The following ZNF469 variants were observed in gnomAD, a reference collection of about 807,000 sequenced individuals.
ZNF469 encodes zinc finger protein 469.
ZNF469 carries 1 observed loss-of-function variant against 1.0 expected under a neutral mutation model. The observed-to-expected ratio is 1.00, with a 90% CI of 0.35 to 4.73. The LOEUF is 4.73. Among genes scored for constraint, ZNF469 ranks in the 30% most tolerant of loss-of-function variants. ZNF469 has a pLI of 0.16. For synonymous variants in ZNF469, 2,703 were observed against 2,363.4 expected (o/e 1.14, Z -4.17); for missense variants, 6,100 against 5,356.3 (o/e 1.14, Z -4.33).
chr16:88,272,473 G>C, the ZNF469 span, among the ~76,000 whole-genome samples: 2 of 133,678 alleles, frequency 1.5e-5, no homozygotes, highest in Admixed American at 1.5e-4. Context: ...TGAACAGGGG[G>C]GTGTATGGAT....
chr16:88,321,353 G>A, the ZNF469 span, among the ~76,000 whole-genome samples: 1 of 152,278 alleles, frequency 6.6e-6, no homozygotes, highest in African/African-American at 2.4e-5. Flanking sequence ...TGCCTGATTG[G>A]ATGCAGTCTT....
chr16:88,179,522 C>G, the ZNF469 span, among the ~76,000 whole-genome samples: 2 of 152,178 alleles, frequency 1.3e-5, no homozygotes, highest in African/African-American at 4.8e-5. Flanking sequence ...TTAGAAGTTG[C>G]CCGGCCCCAG....
At chr16:88,214,716 A>G in the ZNF469 span, among the ~76,000 whole-genome samples, 8 of 151,910 alleles carry the variant, frequency 5.3e-5, no homozygotes, top group African/African-American at 1.7e-4. Context: ...ATGCATTCTC[A>G]TTGTTCACCT....
chr16:88,179,144 C>G, the ZNF469 span, among the ~76,000 whole-genome samples: 89,473 of 151,998 alleles, frequency 0.59, 27,725 homozygotes, highest in Non-Finnish European at 0.71. Context: ...GTAAGCATTG[C>G]CTGGTGCTGT....
chr16:88,101,070 G>T, the ZNF469 span: 1 of 205,292 alleles, frequency 4.9e-6, no homozygotes, highest in Non-Finnish European at 1.0e-5. Context: ...TCGCTCCAGG[G>T]TAAGTGCAGT....
the ZNF469 span, among the ~76,000 whole-genome samples, chr16:88,253,313 G>A: frequency 3.7e-4 from 57 of 152,256 alleles, no homozygotes; most frequent in African/African-American, 1.2e-3. Flanking sequence ...ACTCCCTGAC[G>A]ATCAGTGAGG....
chr16:88,381,196 GCATTCACAGACA>G (rs1318872353), upstream of ZNF469, among the ~76,000 whole-genome samples: 45 of 64,906 alleles, frequency 6.9e-4, no homozygotes, highest in African/African-American at 4.8e-3. Flanking sequence ...TCACACACAT[GCATTCACAGACA>G]CACACACAGA....
the ZNF469 span, among the ~76,000 whole-genome samples, chr16:88,133,450 C>T: frequency 1.3e-5 from 2 of 152,230 alleles, no homozygotes; most frequent in Non-Finnish European, 2.9e-5. Context: ...GTGGGAATGG[C>T]AGACGCCGCC....
At chr16:88,175,783 A>T in the ZNF469 span, among the ~76,000 whole-genome samples, 1 of 152,220 alleles carries the variant, frequency 6.6e-6, no homozygotes, top group Non-Finnish European at 1.5e-5. Flanking sequence ...AAACTAGAGA[A>T]AGAAGAGCAA....
At chr16:88,407,913 T>C (rs1389515985) in intron 1 of ZNF469, among the ~76,000 whole-genome samples, 1 of 152,256 alleles carries the variant, frequency 6.6e-6, no homozygotes, top group African/African-American at 2.4e-5. Flanking sequence ...CACCCGGCCA[T>C]GCCTGCACGT....
chr16:88,244,594 T>C, the ZNF469 span, among the ~76,000 whole-genome samples: 1 of 151,404 alleles, frequency 6.6e-6, no homozygotes, highest in Admixed American at 6.6e-5. Context: ...GATGGATGGA[T>C]GTGTGGGTGT....
At chr16:88,418,304 G>A (rs1905357270) in intron 1 of ZNF469, among the ~76,000 whole-genome samples, 1 of 152,198 alleles carries the variant, frequency 6.6e-6, no homozygotes, top group Non-Finnish European at 1.5e-5. Context: ...AGCTAAAGCT[G>A]AAGGCCCATC....
chr16:88,367,556 G>T, the ZNF469 span, among the ~76,000 whole-genome samples: 1 of 152,200 alleles, frequency 6.6e-6, no homozygotes, highest in African/African-American at 2.4e-5. Flanking sequence ...GGAAGTGCAC[G>T]TCCCAGCGCC....
At chr16:88,191,562 A>G in the ZNF469 span, 1 of 152,334 alleles carries the variant, frequency 6.6e-6, no homozygotes, top group Non-Finnish European at 1.5e-5. Context: ...ATGAATGAAC[A>G]AGAGCAGGAG....
the ZNF469 span, among the ~76,000 whole-genome samples, chr16:88,154,979 T>C: frequency 4.6e-5 from 7 of 152,166 alleles, no homozygotes; most frequent in Non-Finnish European, 5.9e-5. Flanking sequence ...TGCTTTAATG[T>C]GGACATGAGC....
the ZNF469 span, among the ~76,000 whole-genome samples, chr16:88,291,606 G>A: frequency 1.3e-5 from 2 of 152,144 alleles, no homozygotes; most frequent in East Asian, 1.9e-4. Context: ...TGCCTCCCTA[G>A]TTAGAGACTC....
the ZNF469 span, among the ~76,000 whole-genome samples, chr16:88,141,471 C>T: frequency 0.19 from 7,383 of 39,042 alleles, 927 homozygotes; most frequent in East Asian, 0.3. Context: ...TGCTATGAAA[C>T]GCTCAGCCTG....
At chr16:88,346,473 G>A in the ZNF469 span, among the ~76,000 whole-genome samples, 1 of 152,220 alleles carries the variant, frequency 6.6e-6, no homozygotes, top group South Asian at 2.1e-4. Flanking sequence ...CAAAGCCACA[G>A]AGCAAACCCT....
the ZNF469 span, among the ~76,000 whole-genome samples, chr16:88,141,237 A>T: frequency 6.6e-6 from 1 of 152,264 alleles, no homozygotes; most frequent in African/African-American, 2.4e-5. Context: ...TAATCCCAAA[A>T]AGGACAAGAT....
Sources: gnomAD v4.1 joint callset for allele counts (sites outside exome capture counted in the v4.1 genomes callset) on GRCh38, gnomAD v4.1.1 for gene constraint, MANE v1.5 for transcripts, NCBI Gene and HGNC (gene_info 2026-07-23, HGNC 2026-07-21) for gene names.